Variants in CDKAL1 observed in about 807,000 individuals in gnomAD.
The protein encoded by CDKAL1 is threonylcarbamoyladenosine tRNA methylthiotransferase.
In CDKAL1, 32 loss-of-function variants were observed where a neutral mutation model predicts 68.2. That is an observed-to-expected ratio of 0.47 (90% CI 0.35 to 0.63). The LOEUF (loss-of-function observed/expected upper bound fraction) is 0.63. Among genes scored for constraint, CDKAL1 ranks in the 30% least tolerant of loss-of-function variants. The pLI is 0.00. For missense variants in CDKAL1, 606 were observed against 696.7 expected (o/e 0.87, Z 1.47); for synonymous variants, 234 against 244.3 (o/e 0.96, Z 0.39).
intron 9 of CDKAL1, among the ~76,000 whole-genome samples, chr6:20,856,760 T>C (rs545657903): frequency 6.6e-6 from 1 of 152,268 alleles, no homozygotes; most frequent in South Asian, 2.1e-4. Flanking sequence ...AGGCTGCAAG[T>C]TGGTTTTGGA....
At chr6:21,056,078 A>G (rs1157743234) in intron 11 of CDKAL1, among the ~76,000 whole-genome samples, 2 of 152,064 alleles carry the variant, frequency 1.3e-5, no homozygotes, top group African/African-American at 4.8e-5. Flanking sequence ...CTGGTGTGAG[A>G]TGGTATGTCA....
At chr6:20,872,899 C>T (rs927032541) in intron 9 of CDKAL1, among the ~76,000 whole-genome samples, 11 of 152,172 alleles carry the variant, frequency 7.2e-5, no homozygotes, top group Admixed American at 2.0e-4. Context: ...TGGAAAAGAA[C>T]GCAGTCACAA....
intron 13 of CDKAL1, among the ~76,000 whole-genome samples, chr6:21,162,792 G>T (rs1038638973): frequency 1.3e-5 from 2 of 152,116 alleles, no homozygotes; most frequent in African/African-American, 4.8e-5. Context: ...GTTGGGTGTG[G>T]TGGCATGTGT....
At chr6:20,803,973 G>A (rs1421698534) in intron 8 of CDKAL1, among the ~76,000 whole-genome samples, 1 of 150,402 alleles carries the variant, frequency 6.6e-6, no homozygotes, top group African/African-American at 2.5e-5. Context: ...CATTATTTTT[G>A]GTCCTGTTTA....
At chr6:20,902,358 C>CACACACACACACAA (rs769859254) in intron 9 of CDKAL1, among the ~76,000 whole-genome samples, 7 of 25,540 alleles carry the variant, frequency 2.7e-4, no homozygotes, top group African/African-American at 5.2e-4. Context: ...CACACACACA[C>CACACACACACACAA]AATGTGTTTA....
chr6:20,752,539 G>T (rs1163163407), intron 6 of CDKAL1, among the ~76,000 whole-genome samples: 3 of 152,114 alleles, frequency 2.0e-5, no homozygotes, highest in Non-Finnish European at 4.4e-5. Context: ...TTTTCATTTT[G>T]ACGTAGTATC....
chr6:20,960,318 C>T (rs556253485), intron 10 of CDKAL1, among the ~76,000 whole-genome samples: 31 of 152,220 alleles, frequency 2.0e-4, no homozygotes, highest in Non-Finnish European at 3.5e-4. Context: ...GCCATGGGTT[C>T]GAAAGGTTAG....
intron 9 of CDKAL1, among the ~76,000 whole-genome samples, chr6:20,918,931 T>C (rs1469484212): frequency 1.3e-5 from 2 of 152,222 alleles, no homozygotes; most frequent in Non-Finnish European, 2.9e-5. Flanking sequence ...AATATTGTGC[T>C]TATCATATCC....
intron 8 of CDKAL1, among the ~76,000 whole-genome samples, chr6:20,845,131 A>G (rs76114151): frequency 0.011 from 1,712 of 152,368 alleles, 17 homozygotes; most frequent in South Asian, 0.02. Flanking sequence ...CACATGGATC[A>G]GATTCAATTG....
intron 11 of CDKAL1, among the ~76,000 whole-genome samples, chr6:21,053,121 C>G (rs1254501052): frequency 6.6e-6 from 1 of 152,042 alleles, no homozygotes; most frequent in African/African-American, 2.4e-5. Context: ...TTCTAATGTC[C>G]AATTGGAGCC....
At chr6:20,928,010 G>A (rs1763257709) in intron 9 of CDKAL1, among the ~76,000 whole-genome samples, 2 of 152,108 alleles carry the variant, frequency 1.3e-5, no homozygotes, top group South Asian at 4.1e-4. Context: ...TGATGCAAAA[G>A]GGAAATGTTT....
intron 9 of CDKAL1, among the ~76,000 whole-genome samples, chr6:20,935,060 T>A (rs1366397651): frequency 6.6e-6 from 1 of 152,054 alleles, no homozygotes; most frequent in African/African-American, 2.4e-5. Flanking sequence ...CACACCCAGC[T>A]AATTTTTGTA....
intron 13 of CDKAL1, among the ~76,000 whole-genome samples, chr6:21,127,701 G>A (rs1450754385): frequency 1.3e-5 from 2 of 152,152 alleles, no homozygotes; most frequent in Non-Finnish European, 2.9e-5. Context: ...AGTGAGCCTA[G>A]ATTGCGCCAC....
At chr6:20,550,021 C>T (rs561666928) in intron 4 of CDKAL1, among the ~76,000 whole-genome samples, 3 of 151,962 alleles carry the variant, frequency 2.0e-5, no homozygotes, top group African/African-American at 7.2e-5. Context: ...CTTTGTTGCC[C>T]AGGCTGGAGT....
chr6:20,997,966 T>A (rs1767208334), intron 10 of CDKAL1, among the ~76,000 whole-genome samples: 2 of 152,224 alleles, frequency 1.3e-5, no homozygotes. Context: ...CTTAATTTAT[T>A]TTCACAATAG....
intron 6 of CDKAL1, among the ~76,000 whole-genome samples, chr6:20,745,617 T>C (rs1437034620): frequency 6.6e-6 from 1 of 152,184 alleles, no homozygotes; most frequent in Non-Finnish European, 1.5e-5. Context: ...ATGATTAAAA[T>C]GTAGTATATC....
At chr6:20,687,459 G>C (rs1043329526) in intron 5 of CDKAL1, among the ~76,000 whole-genome samples, 7 of 152,036 alleles carry the variant, frequency 4.6e-5, no homozygotes, top group African/African-American at 1.2e-4. Flanking sequence ...TGATTTGTTA[G>C]ATCAATCAGG....
At chr6:20,758,407 T>A (rs576550652) in intron 6 of CDKAL1, among the ~76,000 whole-genome samples, 188 bp from the exon 7 acceptor site, 1 of 152,324 alleles carries the variant, frequency 6.6e-6, no homozygotes. Context: ...AGGAGAGTGA[T>A]AATTTCATAC....
chr6:20,802,031 G>A (rs769773191), intron 8 of CDKAL1, among the ~76,000 whole-genome samples: 3 of 152,106 alleles, frequency 2.0e-5, no homozygotes, highest in Non-Finnish European at 4.4e-5. Flanking sequence ...GTGCAGTGGT[G>A]GCAAACGCCT....
Sources: gnomAD v4.1 joint callset for allele counts (sites outside exome capture counted in the v4.1 genomes callset) on GRCh38, gnomAD v4.1.1 for gene constraint, MANE v1.5 for transcripts, NCBI Gene and HGNC (gene_info 2026-07-23, HGNC 2026-07-21) for gene names.